ZNF423: variants seen among roughly 807,000 people sequenced by gnomAD.
ZNF423 encodes the protein zinc finger protein 423.
Under a neutral mutation model 95.8 loss-of-function variants are expected in ZNF423, and 12 were observed. That is an observed-to-expected ratio of 0.13 (90% confidence interval 0.08 to 0.20). The LOEUF (loss-of-function observed/expected upper bound fraction) is 0.20. Among genes scored for constraint, ZNF423 ranks in the 10% least tolerant of loss-of-function variants. ZNF423 has a pLI of 1.00. For synonymous variants in ZNF423, 749 were observed against 711.9 expected, an observed-to-expected ratio of 1.05 and a Z score of -0.83; for missense variants, 1,316 against 1,737.1, an observed-to-expected ratio of 0.76 and a Z score of 4.31.
At chr16:49,690,476 C>T (rs1216939043) in intron 3 of ZNF423, among the ~76,000 whole-genome samples, 4 of 152,214 alleles carry the variant, frequency 2.6e-5, no homozygotes, top group Non-Finnish European at 5.9e-5. Flanking sequence ...GAGCTAAGAT[C>T]GTGCCACTGC....
At chr16:49,842,105 G>A (rs183834754) in intron 1 of ZNF423, among the ~76,000 whole-genome samples, 36 of 151,244 alleles carry the variant, frequency 2.4e-4, no homozygotes, top group Admixed American at 2.3e-3. Context: ...GGCATGGGGG[G>A]CAGGCGCCTG....
Position 49,637,719 on chromosome 16 carries a change from G to A in ZNF423, c.1457C>T (p.Ser486Phe), listed in dbSNP as rs1178606806. 6.2e-7 allele frequency: 1 copy of A among 1,614,192 alleles called. No individual in the cohort carries two copies. The change falls in exon 4 of 8, where the codon TCT becomes TTT. Residue 486 changes from serine to phenylalanine, a missense_variant. This residue lies in a region of ZNF423 where 399 missense variants were observed against 478.5 expected (regional missense o/e 0.83). Transcript: ENST00000563137. The surrounding 1 kb of genome is among the most constrained non-coding windows in gnomAD (Gnocchi z 5.6). Reference sequence around the variant, plus strand: ...GGGGCAGTAGTTGCAGTGGAAGGCAGAGATGTTGCCAAACTGCATCACAGG... The same window carrying A: ...GGGGCAGTAGTTGCAGTGGAAGGCAAAGATGTTGCCAAACTGCATCACAGG... Reference protein sequence around the residue: ...AYPVMQFGNISAFHCNYCPEM... With the variant: ...AYPVMQFGNIFAFHCNYCPEM...
intron 3 of ZNF423, among the ~76,000 whole-genome samples, chr16:49,682,874 G>A (rs1013700282): frequency 6.6e-6 from 1 of 152,214 alleles, no homozygotes; most frequent in Non-Finnish European, 1.5e-5. Context: ...GGCTCTGAGT[G>A]GGTGTCAGGA....
chr16:49,689,278 CAAAA>C (rs150078202), intron 3 of ZNF423, among the ~76,000 whole-genome samples: 9 of 140,718 alleles, frequency 6.4e-5, no homozygotes, highest in Admixed American at 7.0e-5. Flanking sequence ...CCCATCTCTA[CAAAA>C]AAAAAAAAAA....
intron 5 of ZNF423, among the ~76,000 whole-genome samples, chr16:49,619,874 T>G (rs1971998927): frequency 6.6e-6 from 1 of 151,982 alleles, no homozygotes; most frequent in Admixed American, 6.5e-5. Context: ...TCTATTTGGG[T>G]TTTTTGTATC....
At chr16:49,559,352 T>C (rs1288396348) in intron 5 of ZNF423, among the ~76,000 whole-genome samples, 1 of 152,232 alleles carries the variant, frequency 6.6e-6, no homozygotes, top group African/African-American at 2.4e-5. Context: ...CCTTCTCTGC[T>C]AATGAGGTAT....
At chr16:49,713,341 G>C (rs2032603122) in intron 3 of ZNF423, among the ~76,000 whole-genome samples, 1 of 152,216 alleles carries the variant, frequency 6.6e-6, no homozygotes, top group Non-Finnish European at 1.5e-5. Context: ...CAGGGAGTGG[G>C]GTGGGTACAA....
In ZNF423 at chr16:49,510,855, C is replaced by T. The variant is rs1486146693; in HGVS notation, c.3849+12769G>A. Among the ~76,000 whole-genome samples, 10 of 152,244 alleles carry T rather than the reference C, an allele frequency of 6.6e-5. No homozygotes were observed. The East Asian group carries it at 1.9e-3, about 29-fold the overall frequency. ...CCGGGGAGGGGTTCGGCTCGCCACA[C>T]ACACAATGGCCACCGGCCTGAGGCT... On this transcript the variant is annotated intron_variant, in intron 7 of 7. Transcript: ENST00000563137.
chr16:49,831,759 G>A (rs1047549269), intron 1 of ZNF423, among the ~76,000 whole-genome samples: 3 of 152,152 alleles, frequency 2.0e-5, no homozygotes, highest in African/African-American at 4.8e-5. Context: ...GGTAGGCCAG[G>A]GTGGGCAGAT....
At chr16:49,661,976 C>T (rs531479644) in intron 3 of ZNF423, among the ~76,000 whole-genome samples, 5 of 152,324 alleles carry the variant, frequency 3.3e-5, no homozygotes, top group South Asian at 2.1e-4. Context: ...ACTGGCCCAG[C>T]GCCTGGTACA....
intron 5 of ZNF423, among the ~76,000 whole-genome samples, chr16:49,557,200 C>T (rs570382642): frequency 2.6e-5 from 4 of 152,234 alleles, no homozygotes; most frequent in East Asian, 3.8e-4. Flanking sequence ...ACCAACTGCA[C>T]GCCGCCATCG....
chr16:49,676,756 C>A (rs1253939418), intron 3 of ZNF423, among the ~76,000 whole-genome samples: 2 of 152,210 alleles, frequency 1.3e-5, no homozygotes, highest in African/African-American at 2.4e-5. Context: ...AACAACTGAC[C>A]TTCTAACTCA....
In ZNF423 at chr16:49,649,542, A is replaced by C. The variant is rs554333002; in HGVS notation, c.302-10668T>G. Among the ~76,000 whole-genome samples, 3 of 152,152 alleles carry C rather than the reference A, an allele frequency of 2.0e-5. No homozygotes were observed. In the South Asian group the frequency reaches 6.2e-4, roughly 32 times the overall value. On this transcript the variant is annotated intron_variant, in intron 3 of 7. Coordinates refer to ENST00000563137, the MANE Select transcript of ZNF423 (RefSeq NM_001379286.1). ...TCCAAAGGGTGTAGAGGTACCCAGC[A>C]TTCTTAGGTTTCTATGCTCTTATCT...
intron 5 of ZNF423, among the ~76,000 whole-genome samples, chr16:49,612,292 A>G (rs1041535892): frequency 8.5e-5 from 13 of 152,058 alleles, no homozygotes; most frequent in Non-Finnish European, 1.6e-4. Flanking sequence ...CACCATGACC[A>G]AATGAGATAT....
At chr16:49,758,088 G>A (rs2033760694) in intron 2 of ZNF423, among the ~76,000 whole-genome samples, 2 of 152,180 alleles carry the variant, frequency 1.3e-5, no homozygotes, top group South Asian at 2.1e-4. Flanking sequence ...GGTAGAAAAT[G>A]GTTTACCCGG....
In ZNF423 at chr16:49,728,825, C is replaced by T. The variant is rs192648929; in HGVS notation, c.301+1946G>A. ...TTGGCTCACCGCAACCTCCATCTCCCGGGTTCAAGCGATTCTTTTGCCTCA... is the reference window on the plus strand; with the variant it reads ...TTGGCTCACCGCAACCTCCATCTCCTGGGTTCAAGCGATTCTTTTGCCTCA... On this transcript the variant is annotated intron_variant, in intron 3 of 7. Coordinates refer to ENST00000563137, the MANE Select transcript of ZNF423 (RefSeq NM_001379286.1). Among the ~76,000 whole-genome samples the T allele has an allele frequency of 1.7e-3, 260 of 152,270 alleles. 1 individual carries two copies. Among genetic ancestry groups the T allele is most frequent in the Non-Finnish European group, 3.0e-3 (207 of 68,024 alleles).
chr16:49,669,837 C>A (rs917258215), intron 3 of ZNF423, among the ~76,000 whole-genome samples: 2 of 146,326 alleles, frequency 1.4e-5, no homozygotes, highest in Non-Finnish European at 2.9e-5. Context: ...CCCTTCTACT[C>A]TACTCCAAGC....
intron 1 of ZNF423, among the ~76,000 whole-genome samples, chr16:49,801,651 C>A (rs888353312): frequency 3.9e-5 from 6 of 152,212 alleles, no homozygotes; most frequent in Non-Finnish European, 8.8e-5. Flanking sequence ...GACCCCATCC[C>A]AGACCTACAA....
chr16:49,510,727 G>C lies in ZNF423; in HGVS notation c.3849+12897C>G, dbSNP rs1967853090. ...GAGTCAATGCGGGGCAGGGCTTACA[G>C]GGTGCAAACCTCTGTGGATGTGGAG... On this transcript the variant is annotated intron_variant, in intron 7 of 7. Transcript: ENST00000563137. 3.3e-5 allele frequency among the ~76,000 whole-genome samples: 5 copies of C among 152,372 alleles called. No individual in the cohort carries two copies. The South Asian group carries it at 1.0e-3, about 32-fold the overall frequency.
Sources: gnomAD v4.1 joint callset for allele counts (sites outside exome capture counted in the v4.1 genomes callset) on GRCh38, gnomAD v4.1.1 for gene constraint, gnomAD v4.1.1 regional missense constraint, Gnocchi (gnomAD v3.1) non-coding constraint, MANE v1.5 for transcripts, NCBI Gene and HGNC (gene_info 2026-07-23, HGNC 2026-07-21) for gene names.